Variants in FAM184A observed in about 807,000 individuals in gnomAD.
FAM184A encodes the protein protein FAM184A.
Under a neutral mutation model 143.8 loss-of-function variants are expected in FAM184A, and 99 were observed. The ratio of observed to expected loss-of-function variants is 0.69; its 90% confidence interval spans 0.58 to 0.81. The LOEUF (loss-of-function observed/expected upper bound fraction) is 0.81, where lower values mean the gene tolerates loss of function less well. Ranked by LOEUF, FAM184A falls within the 40% of genes least tolerant of loss-of-function variation. FAM184A has a pLI of 0.00. For missense variants in FAM184A, 1,217 were observed against 1,310.5 expected, an observed-to-expected ratio of 0.93 and a Z score of 1.10; for synonymous variants, 427 against 446.4, an observed-to-expected ratio of 0.96 and a Z score of 0.55.
At chr6:118,996,679 A>G (rs1393091154) in intron 9 of FAM184A, among the ~76,000 whole-genome samples, 1 of 152,074 alleles carries the variant, frequency 6.6e-6, no homozygotes, top group Non-Finnish European at 1.5e-5. Flanking sequence ...GTCACTGCTT[A>G]GGGAACCTGT....
intron 1 of FAM184A, among the ~76,000 whole-genome samples, chr6:119,099,333 G>A (rs987833579): frequency 6.6e-6 from 1 of 152,086 alleles, no homozygotes; most frequent in Non-Finnish European, 1.5e-5. Flanking sequence ...CTTGCCAATT[G>A]TTTTAAGCTA....
intron 14 of FAM184A, among the ~76,000 whole-genome samples, chr6:118,968,412 A>G (rs1219194651): frequency 6.6e-6 from 1 of 152,244 alleles, no homozygotes; most frequent in Admixed American, 6.5e-5. Flanking sequence ...AAGTTCCACT[A>G]TCTTTAACTT....
intron 1 of FAM184A, among the ~76,000 whole-genome samples, chr6:119,060,167 ATGACCG>A (rs1327330914): frequency 6.6e-6 from 1 of 152,216 alleles, no homozygotes; most frequent in East Asian, 1.9e-4. Context: ...GCCAGCCTAG[ATGACCG>A]TGTCATCTCA....
At chr6:119,137,424 C>A (rs1007776273) in intron 1 of FAM184A, among the ~76,000 whole-genome samples, 4 of 152,154 alleles carry the variant, frequency 2.6e-5, no homozygotes, top group African/African-American at 7.2e-5. Context: ...CTCATTCAAC[C>A]TTAATCATCT....
chr6:119,013,261 A>T (rs532254591), intron 5 of FAM184A, among the ~76,000 whole-genome samples: 64 of 152,350 alleles, frequency 4.2e-4, no homozygotes, highest in African/African-American at 1.5e-3. Context: ...GAAAATTAAA[A>T]TTTAATCAGG....
At chr6:118,965,952 G>T (rs1047431839) in intron 15 of FAM184A, among the ~76,000 whole-genome samples, 1 of 152,120 alleles carries the variant, frequency 6.6e-6, no homozygotes, top group Non-Finnish European at 1.5e-5. Flanking sequence ...CTGTGCTCAT[G>T]TTCACAATAT....
intron 9 of FAM184A, among the ~76,000 whole-genome samples, chr6:119,000,464 T>G (rs1304903500): frequency 6.6e-6 from 1 of 152,150 alleles, no homozygotes; most frequent in Non-Finnish European, 1.5e-5. Flanking sequence ...TAGCACAGAA[T>G]GAAAATAATA....
intron 12 of FAM184A, 62 bp from the exon 13 acceptor site, chr6:118,975,270 G>A: frequency 8.3e-7 from 1 of 1,209,832 alleles, no homozygotes; most frequent in Non-Finnish European, 1.1e-6. Context: ...GTGTTTATCT[G>A]CGGGAAAGAA....
Position 119,105,325 on chromosome 6 carries a change from G to A in FAM184A, c.-202+43753C>T, listed in dbSNP as rs149834487. Among the ~76,000 whole-genome samples, 419 of 152,248 alleles carry A rather than the reference G, an allele frequency of 2.8e-3. 7 individuals carry two copies. The East Asian group carries it at 0.032, about 12-fold the overall frequency. On this transcript the variant is annotated intron_variant, in intron 1 of 16. Coordinates refer to the FAM184A transcript ENST00000352896. ...ACGTGTTGGAGGAGGGGCCTGGTTG[G>A]AGGTGATTGAAACATGGGGGTGGAT...
chr6:119,120,993 A>G (rs140520473), intron 1 of FAM184A, among the ~76,000 whole-genome samples: 96 of 143,048 alleles, frequency 6.7e-4, no homozygotes, highest in African/African-American at 2.3e-3. Context: ...TTTTTTTTGT[A>G]GAGATGAAGT....
rs963760934 is a variant in FAM184A, at chr6:119,024,807, A to G, written c.166T>C (p.Tyr56His). ...TCATCATTTTTAGTGTTTAAAGCAT[A>G]TATTACCTGCATGGTTTTGAATAAG... is the stretch of plus-strand genomic sequence containing the variant. ...KKIAQLTKVI[Y>H]ALNTKNDEHE... The change falls in exon 2 of 18, where the codon TAT (tyrosine) becomes CAT (histidine). Residue 56 changes from tyrosine (Y) to histidine (H), a missense_variant. By Grantham distance (83) the Tyr-to-His change is moderately conservative. Coordinates refer to ENST00000338891, the MANE Select transcript of FAM184A (RefSeq NM_024581.6). The G allele has an allele frequency of 6.3e-7, 1 of 1,591,856 alleles. No homozygotes were observed. Among genetic ancestry groups the G allele is most frequent in the African/African-American group, 1.4e-5 (1 of 73,852 alleles).
In FAM184A at chr6:119,022,720, C is replaced by CA. The variant is rs1382600719; in HGVS notation, c.1150+224dup. 2.6e-5 allele frequency among the ~76,000 whole-genome samples: 4 copies of CA among 151,792 alleles called. No individual in the cohort carries two copies. The South Asian group carries it at 8.3e-4, about 32-fold the overall frequency. The stretch of plus-strand genomic sequence containing the variant: ...TGAAACTCCATCTCTACTAAAAATA[C>CA]AAAAAAATTAGCCAAGCATGGTGGC... On this transcript the variant is annotated intron_variant, in intron 3 of 17. Transcript: ENST00000338891.
intron 2 of FAM184A, 100 bp downstream of exon 2, chr6:119,023,859 G>A (rs2114690138): frequency 3.7e-6 from 3 of 809,780 alleles, no homozygotes; most frequent in Non-Finnish European, 5.4e-6. Flanking sequence ...GTGGTGTGAA[G>A]CCACTGATTC....
At chr6:118,991,053 A>T (rs950655325) in intron 9 of FAM184A, among the ~76,000 whole-genome samples, 1 of 152,170 alleles carries the variant, frequency 6.6e-6, no homozygotes, top group African/African-American at 2.4e-5. Flanking sequence ...TATAAAAATT[A>T]AAAAATAAGG....
chr6:119,148,908 T>A (rs1161334838), intron 1 of FAM184A, among the ~76,000 whole-genome samples: 1 of 152,142 alleles, frequency 6.6e-6, no homozygotes, highest in East Asian at 1.9e-4. Context: ...GGCCATTTGT[T>A]TTTGACACTT....
intron 1 of FAM184A, among the ~76,000 whole-genome samples, chr6:119,059,709 A>G (rs1490827901): frequency 6.6e-6 from 1 of 152,226 alleles, no homozygotes; most frequent in African/African-American, 2.4e-5. Context: ...TATAAACATC[A>G]TAAGTAAACA....
chr6:119,136,264 G>A (rs1198793258), intron 1 of FAM184A, among the ~76,000 whole-genome samples: 1 of 115,176 alleles, frequency 8.7e-6, no homozygotes, highest in Non-Finnish European at 1.6e-5. Flanking sequence ...CGGCCTGGGC[G>A]ACAGAGCGAG....
chr6:119,078,010 C>T lies in FAM184A; in HGVS notation c.159+131G>A. ...GTTTGCAGGGTTTTGGAGGTGTCTC[C>T]GGCTGTTGCTTCGGCGGAGGAGTAG... On this transcript the variant is annotated intron_variant, in intron 1 of 17. Coordinates refer to ENST00000338891, the MANE Select transcript of FAM184A (RefSeq NM_024581.6). The surrounding 1 kb of genome is among the most constrained non-coding windows in gnomAD (Gnocchi z 5.5). 2.8e-6 allele frequency: 3 copies of T among 1,090,196 alleles called. No homozygotes were observed. Among genetic ancestry groups the T allele is most frequent in the African/African-American group, 1.6e-5 (1 of 61,368 alleles). 67.5% of individuals were successfully genotyped at this position (1,090,196 alleles called of 1,614,324 possible).
chr6:119,006,857 A>G (rs1391793674), intron 6 of FAM184A, among the ~76,000 whole-genome samples: 1 of 152,180 alleles, frequency 6.6e-6, no homozygotes, highest in Non-Finnish European at 1.5e-5. Flanking sequence ...TTTGTTTAAC[A>G]AAGAGAATTC....
Sources: allele counts gnomAD v4.1 joint callset (sites outside exome capture counted in the v4.1 genomes callset), GRCh38; gene constraint gnomAD v4.1.1; non-coding constraint Gnocchi (gnomAD v3.1); transcripts MANE v1.5; gene names NCBI Gene and HGNC (gene_info 2026-07-23, HGNC 2026-07-21).